C16orf78: variants seen among roughly 807,000 people sequenced by gnomAD.
C16orf78 encodes the protein chromosome 16 open reading frame 78.
A neutral mutation model predicts 27.3 loss-of-function variants in C16orf78; 19 were observed. The observed-to-expected ratio is 0.70, with a 90% CI of 0.49 to 1.02. The LOEUF is 1.02. C16orf78 is among the 50% of genes least tolerant of loss of function. The probability of loss-of-function intolerance (pLI) is 0.00; values close to 1 mark genes in which losing one functional copy is unlikely to be tolerated. For missense variants in C16orf78, 339 were observed against 337.0 expected (o/e 1.01, Z -0.05); for synonymous variants, 130 against 116.1 (o/e 1.12, Z -0.77).
intron 3 of C16orf78, among the ~76,000 whole-genome samples, chr16:49,380,054 C>A (rs1483908868): frequency 6.6e-6 from 1 of 152,190 alleles, no homozygotes; most frequent in Non-Finnish European, 1.5e-5. Context: ...CTGGATGCTT[C>A]CTGCCCTTGA....
At chr16:49,386,492 T>C (rs1965353064) in intron 3 of C16orf78, among the ~76,000 whole-genome samples, 1 of 152,202 alleles carries the variant, frequency 6.6e-6, no homozygotes, top group Non-Finnish European at 1.5e-5. Flanking sequence ...ATTTGTTACA[T>C]AGGTAAATTC....
intron 3 of C16orf78, among the ~76,000 whole-genome samples, chr16:49,382,321 G>A (rs939614044): frequency 1.7e-4 from 26 of 152,154 alleles, no homozygotes; most frequent in African/African-American, 4.1e-4. Context: ...GCTAGATGAC[G>A]AGTTAGTAGG....
At chr16:49,399,067 C>A in intron 4 of C16orf78, 64 bp from the exon 5 acceptor site, 1 of 1,552,910 alleles carries the variant, frequency 6.4e-7, no homozygotes, top group South Asian at 1.2e-5. Flanking sequence ...AAGCTCTTTT[C>A]AATAAAGTTA....
chr16:49,396,603 G>T lies in C16orf78; in HGVS notation c.575G>T (p.Ser192Ile). ...PDMAYERKLK[S>I]LMEKSTEPKM... Reference sequence around the variant, plus strand: ...ATGGCTTACGAACGCAAGCTAAAGAGCCTCATGGAGAAAAGCACCGAACCT... The same window carrying T: ...ATGGCTTACGAACGCAAGCTAAAGATCCTCATGGAGAAAAGCACCGAACCT... Residue 192 changes from serine (S) to isoleucine (I), a missense_variant, in exon 4 of 5, where the codon AGC becomes ATC. Ser to Ile is a moderately radical substitution (Grantham distance 142, BLOSUM62 -2). Coordinates refer to ENST00000299191, the MANE Select transcript of C16orf78 (RefSeq NM_144602.4). 9 of 1,614,052 alleles carry T rather than the reference G, an allele frequency of 5.6e-6. No homozygotes were observed. Among genetic ancestry groups the T allele is most frequent in the Non-Finnish European group, 7.6e-6 (9 of 1,180,034 alleles).
intron 3 of C16orf78, among the ~76,000 whole-genome samples, chr16:49,383,209 T>C (rs1385135903): frequency 6.6e-6 from 1 of 152,226 alleles, no homozygotes; most frequent in Non-Finnish European, 1.5e-5. Flanking sequence ...CCTCAAGATG[T>C]GGCACCCAGG....
rs754690543 is a variant in C16orf78 at position 49,399,259 on chromosome 16, T to C, written c.779T>C (p.Ile260Thr). The C allele has an allele frequency of 6.2e-7, 1 of 1,614,182 alleles. No homozygotes were observed. The highest frequency in any genetic ancestry group is 1.7e-5 in the Admixed American group (1 of 60,018). The change falls in exon 5 of 5, where the codon ATA becomes ACA. Residue 260 changes from isoleucine (I) to threonine (T), a missense_variant. By Grantham distance (89) the Ile-to-Thr change is moderately conservative (BLOSUM62 -1). Transcript: ENST00000299191. ...GATGCTAAAAAGGTGTTCACCGGAA[T>C]ACCCAGCATGGCCCTCTAAATAGCT... ...DIDAKKVFTG[I>T]PSMAL
Position 49,399,245 on chromosome 16 carries a change from G to A in C16orf78, c.765G>A (p.Lys255=). ...TCGAAGAGGACATAGATGCTAAAAA[G>A]GTGTTCACCGGAATACCCAGCATGG... ...HMVEEDIDAK[K]VFTGIPSMAL Residue 255 remains lysine (K), a synonymous_variant, in exon 5 of 5, where the codon AAG becomes AAA. Transcript: ENST00000299191. 6 of 1,614,148 alleles carry A rather than the reference G, an allele frequency of 3.7e-6. No individual in the cohort carries two copies. The highest frequency in any genetic ancestry group is 1.3e-5 in the African/African-American group (1 of 75,032).
chr16:49,399,180 A>T lies in C16orf78; in HGVS notation c.700A>T (p.Lys234Ter). ...ENIRTLLKLC[K>*]DAGMNVDIHP... ...CATTCGGACCTTGCTCAAGTTGTGC[A>T]AGGATGCAGGAATGAATGTGGATAT... is the stretch of plus-strand genomic sequence containing the variant. The change falls in exon 5 of 5, where the codon AAG (lysine) becomes TAG (stop). Residue 234 changes from lysine (K) to a stop codon, truncating the protein, a stop_gained. Transcript: ENST00000299191. LOFTEE classifies it low-confidence loss of function (END_TRUNC). The T allele has an allele frequency of 6.2e-7, 1 of 1,614,204 alleles. No homozygotes were observed. Among genetic ancestry groups the T allele is most frequent in the Non-Finnish European group, 8.5e-7 (1 of 1,180,018 alleles).
intron 1 of C16orf78, 77 bp downstream of exon 1, chr16:49,374,166 C>A (rs569933014): frequency 3.7e-5 from 57 of 1,550,566 alleles, no homozygotes; most frequent in Non-Finnish European, 4.9e-5. Flanking sequence ...TTGAACTTAA[C>A]TCTCCTGAAA....
intron 2 of C16orf78, among the ~76,000 whole-genome samples, chr16:49,378,224 G>A (rs568423953): frequency 1.3e-5 from 2 of 152,252 alleles, no homozygotes; most frequent in Admixed American, 1.3e-4. Flanking sequence ...CCGAGGGCCT[G>A]TGTTTCCAAG....
intron 1 of C16orf78, among the ~76,000 whole-genome samples, chr16:49,374,864 C>T (rs992326965): frequency 6.6e-6 from 1 of 152,212 alleles, no homozygotes; most frequent in African/African-American, 2.4e-5. Flanking sequence ...CTATGAAGAA[C>T]CAAGCCATGT....
At chr16:49,384,076 C>A (rs550353352) in intron 3 of C16orf78, among the ~76,000 whole-genome samples, 21 of 152,014 alleles carry the variant, frequency 1.4e-4, no homozygotes, top group African/African-American at 5.1e-4. Context: ...AGGCCAGGCA[C>A]GGTGGCTCAC....
chr16:49,391,002 T>C (rs1965406451), intron 3 of C16orf78, among the ~76,000 whole-genome samples: 1 of 152,226 alleles, frequency 6.6e-6, no homozygotes, highest in South Asian at 2.1e-4. Flanking sequence ...CTATTTCATA[T>C]GACATGCCCA....
chr16:49,374,184 C>T (rs1567388547), intron 1 of C16orf78, 95 bp downstream of exon 1: 2 of 1,480,626 alleles, frequency 1.4e-6, no homozygotes, highest in East Asian at 2.3e-5. Context: ...AAACAAAAGG[C>T]GGGATGGTTT....
intron 4 of C16orf78, among the ~76,000 whole-genome samples, chr16:49,397,037 G>T (rs1567395726): frequency 6.6e-6 from 1 of 152,222 alleles, no homozygotes; most frequent in South Asian, 2.1e-4. Flanking sequence ...TTGCACTGTG[G>T]GGTTGAGTTG....
At chr16:49,377,932 C>A in intron 2 of C16orf78, 82 bp downstream of exon 2, 1 of 1,483,636 alleles carries the variant, frequency 6.7e-7, no homozygotes, top group Non-Finnish European at 9.0e-7. Context: ...CTGCATAATG[C>A]CTGCCTACTT....
At chr16:49,376,731 G>A (rs879401315) in intron 1 of C16orf78, among the ~76,000 whole-genome samples, 7 of 152,136 alleles carry the variant, frequency 4.6e-5, no homozygotes, top group Admixed American at 1.3e-4. Flanking sequence ...CATGCATGTC[G>A]TAATTCAGTT....
intron 3 of C16orf78, among the ~76,000 whole-genome samples, chr16:49,388,218 C>A (rs910253908): frequency 6.6e-6 from 1 of 152,050 alleles, no homozygotes; most frequent in African/African-American, 2.4e-5. Context: ...TTCAGTTCAG[C>A]TCTGATTTTG....
At chr16:49,374,339 G>A (rs2151609392) in intron 1 of C16orf78, among the ~76,000 whole-genome samples, 1 of 152,276 alleles carries the variant, frequency 6.6e-6, no homozygotes, top group Admixed American at 6.5e-5. Flanking sequence ...GAGAGACAAG[G>A]TACAATCTTT....
Sources: allele counts gnomAD v4.1 joint callset (sites outside exome capture counted in the v4.1 genomes callset), GRCh38; gene constraint gnomAD v4.1.1; transcripts MANE v1.5; gene names NCBI Gene and HGNC (gene_info 2026-07-23, HGNC 2026-07-21).